LSM14A: variants seen among roughly 807,000 people sequenced by gnomAD.
LSM14A encodes the protein protein LSM14 homolog A.
Under a neutral mutation model 52.4 loss-of-function variants are expected in LSM14A, and 14 were observed. That is an observed-to-expected ratio of 0.27 (90% CI 0.18 to 0.42). The LOEUF is 0.42. LSM14A is among the 10% of genes least tolerant of loss of function. LSM14A has a pLI of 1.00. For synonymous variants in LSM14A, 185 were observed against 200.3 expected (o/e 0.92, Z 0.64); for missense variants, 417 against 581.8 (o/e 0.72, Z 2.91).
At position 34,228,825 on chromosome 19, in the gene LSM14A, T is replaced by A. The variant is rs1390747210; in HGVS notation, c.*1437T>A. The stretch of plus-strand genomic sequence containing the variant: ...GTAGGAGAATTGGAATATTTAAGGC[T>A]GGTTGACATTTTTTATTTTCATTTT... On this transcript the variant is annotated 3_prime_UTR_variant, in exon 10 of 10. Coordinates refer to ENST00000544216, the MANE Select transcript of LSM14A (RefSeq NM_015578.4). 1 of 152,656 alleles carries A rather than the reference T, an allele frequency of 6.6e-6. No homozygotes were observed. Among genetic ancestry groups the A allele is most frequent in the African/African-American group, 2.4e-5 (1 of 41,450 alleles). 9.5% of individuals were successfully genotyped at this position (152,656 alleles called of 1,614,324 possible). A position where few individuals can be genotyped will look rare whatever the true frequency, so the allele number is the denominator to read the frequency against.
chr19:34,178,543 T>G (rs1260129609), intron 1 of LSM14A, among the ~76,000 whole-genome samples: 2 of 152,238 alleles, frequency 1.3e-5, no homozygotes, highest in Non-Finnish European at 2.9e-5. Context: ...TGATCATGAC[T>G]TACACTTAAT....
At chr19:34,174,892 T>C (rs758341404) in intron 1 of LSM14A, among the ~76,000 whole-genome samples, 21 of 152,218 alleles carry the variant, frequency 1.4e-4, no homozygotes, top group Non-Finnish European at 2.8e-4. Flanking sequence ...GTTACCTTTA[T>C]TCCTCACAAA....
At chr19:34,206,474 C>T (rs968940843) in intron 3 of LSM14A, among the ~76,000 whole-genome samples, 3 of 151,774 alleles carry the variant, frequency 2.0e-5, no homozygotes, top group African/African-American at 7.3e-5. Context: ...CGAGACCAGC[C>T]CAGCCAACAT....
At chr19:34,221,042 C>T (rs572222065) in intron 8 of LSM14A, among the ~76,000 whole-genome samples, 16 of 150,480 alleles carry the variant, frequency 1.1e-4, no homozygotes, top group African/African-American at 3.7e-4. Context: ...ATATTGAACT[C>T]ATATGCCATG....
chr19:34,215,334 AC>A (rs764773490), intron 5 of LSM14A, 34 bp downstream of exon 5: 1 of 1,551,410 alleles, frequency 6.4e-7, no homozygotes, highest in East Asian at 2.3e-5. Flanking sequence ...TCCTTAATTG[AC>A]TGATCAATGT....
chr19:34,205,760 G>A (rs1215604817), intron 3 of LSM14A, among the ~76,000 whole-genome samples: 1 of 151,878 alleles, frequency 6.6e-6, no homozygotes, highest in African/African-American at 2.4e-5. Context: ...AGTAGAGGGG[G>A]AAGAAAATAA....
chr19:34,224,351 C>T (rs1032921668), intron 9 of LSM14A, among the ~76,000 whole-genome samples: 3 of 152,148 alleles, frequency 2.0e-5, no homozygotes, highest in Non-Finnish European at 4.4e-5. Context: ...AAAAACAAAC[C>T]TTCCATGCAG....
At chr19:34,215,089 ATAGGGTAGT>A in intron 4 of LSM14A, 26 bp from the exon 5 acceptor site, 1 of 1,558,396 alleles carries the variant, frequency 6.4e-7, no homozygotes, top group Non-Finnish European at 8.7e-7. Flanking sequence ...GAAATCCCCA[ATAGGGTAGT>A]TTGTTATCTT....
At chr19:34,180,641 GC>G (rs2069411700) in intron 1 of LSM14A, among the ~76,000 whole-genome samples, 1 of 152,052 alleles carries the variant, frequency 6.6e-6, no homozygotes. Flanking sequence ...TCATCTTACT[GC>G]CTTTCACTGT....
At chr19:34,178,970 A>G (rs1476637599) in intron 1 of LSM14A, among the ~76,000 whole-genome samples, 2 of 152,224 alleles carry the variant, frequency 1.3e-5, no homozygotes, top group Non-Finnish European at 2.9e-5. Context: ...TGAATATTTT[A>G]TGGAATAGTT....
chr19:34,194,719 A>G, intron 2 of LSM14A, 78 bp downstream of exon 2: 1 of 1,279,842 alleles, frequency 7.8e-7, no homozygotes, highest in Middle Eastern at 1.9e-4. Flanking sequence ...TCTCTAGTTG[A>G]ATGTTCATGT....
intron 9 of LSM14A, among the ~76,000 whole-genome samples, chr19:34,222,524 C>T (rs1182340092): frequency 6.6e-6 from 1 of 152,164 alleles, no homozygotes; most frequent in African/African-American, 2.4e-5. Flanking sequence ...AGGGCTATAA[C>T]AGAAAGGACC....
intron 1 of LSM14A, among the ~76,000 whole-genome samples, chr19:34,180,519 A>C (rs1421894044): frequency 6.6e-6 from 1 of 152,206 alleles, no homozygotes; most frequent in African/African-American, 2.4e-5. Flanking sequence ...GGTGCTTAAT[A>C]GAGAATAGCT....
intron 1 of LSM14A, among the ~76,000 whole-genome samples, chr19:34,187,538 C>T (rs1326204904): frequency 1.3e-5 from 2 of 152,130 alleles, no homozygotes; most frequent in Non-Finnish European, 2.9e-5. Flanking sequence ...GATCTGCCCA[C>T]CTTGCCCTCC....
At chr19:34,186,883 G>A (rs2069946785) in intron 1 of LSM14A, among the ~76,000 whole-genome samples, 1 of 152,098 alleles carries the variant, frequency 6.6e-6, no homozygotes. Flanking sequence ...GTATTCAACA[G>A]ACTCGTTTCT....
intron 3 of LSM14A, among the ~76,000 whole-genome samples, chr19:34,201,473 G>A (rs2071282902): frequency 6.6e-6 from 1 of 152,168 alleles, no homozygotes; most frequent in Non-Finnish European, 1.5e-5. Context: ...CTCCTGAGTA[G>A]CTGCGGTTAC....
At position 34,219,347 on chromosome 19, in the gene LSM14A, A is replaced by G. The variant is rs1163842585; in HGVS notation, c.782-44A>G. On this transcript the variant is annotated intron_variant, in intron 6 of 9. Transcript: ENST00000544216. The stretch of plus-strand genomic sequence containing the variant: ...TAGCAACATCTGTGCTAAACCAGCT[A>G]TTACATATTGAATGTCCTTTGTATA... 4.3e-6 allele frequency: 6 copies of G among 1,386,972 alleles called. No individual in the cohort carries two copies. The East Asian group carries it at 6.9e-5, about 16-fold the overall frequency. 85.9% of individuals were successfully genotyped at this position (1,386,972 alleles called of 1,614,324 possible). A position where few individuals can be genotyped will look rare whatever the true frequency, so the allele number is the denominator to read the frequency against.
intron 3 of LSM14A, among the ~76,000 whole-genome samples, chr19:34,199,857 C>T (rs369590714): frequency 2.0e-5 from 3 of 152,060 alleles, no homozygotes; most frequent in African/African-American, 7.2e-5. Context: ...TAATAATTAG[C>T]GAGGATTATC....
At chr19:34,195,677 T>G (rs1462394515) in intron 2 of LSM14A, among the ~76,000 whole-genome samples, 1 of 152,224 alleles carries the variant, frequency 6.6e-6, no homozygotes, top group Non-Finnish European at 1.5e-5. Flanking sequence ...AGTGGAAATG[T>G]GAATCTCTTT....
Sources: allele counts gnomAD v4.1 joint callset (sites outside exome capture counted in the v4.1 genomes callset), GRCh38; gene constraint gnomAD v4.1.1; transcripts MANE v1.5; gene names NCBI Gene and HGNC (gene_info 2026-07-23, HGNC 2026-07-21).